AEBP2: variants seen among roughly 807,000 people sequenced by gnomAD.
The protein encoded by AEBP2 is AE binding protein 2.
In AEBP2, 10 loss-of-function variants were observed where a neutral mutation model predicts 50.8. The ratio of observed to expected loss-of-function variants is 0.20; its 90% CI spans 0.12 to 0.33. The LOEUF (loss-of-function observed/expected upper bound fraction) is 0.33. Ranked by LOEUF, AEBP2 falls within the 10% of genes least tolerant of loss-of-function variation. AEBP2 has a pLI of 1.00. For synonymous variants in AEBP2, 296 were observed against 261.3 expected (o/e 1.13, Z -1.28); for missense variants, 570 against 688.0 (o/e 0.83, Z 1.92).
intron 1 of AEBP2, chr12:19,456,738 A>G: frequency 6.3e-7 from 1 of 1,590,444 alleles, no homozygotes; most frequent in Non-Finnish European, 8.6e-7. Context: ...AGTTTCACTC[A>G]AAGCTTCATG....
intron 3 of AEBP2, among the ~76,000 whole-genome samples, chr12:19,491,539 A>G (rs775014990): frequency 1.3e-5 from 2 of 152,180 alleles, no homozygotes; most frequent in African/African-American, 2.4e-5. Flanking sequence ...CTGGACATAG[A>G]TAAGTATTTG....
chr12:19,518,520 A>T lies in AEBP2; in HGVS notation c.*403A>T. 7.9e-7 allele frequency: 1 copy of T among 1,263,360 alleles called. No homozygotes were observed. The highest frequency in any genetic ancestry group is 1.0e-6 in the Non-Finnish European group (1 of 999,438). The allele number at this position is 1,263,360 out of a possible 1,614,324, so 78.3% of individuals were successfully genotyped here. A position where few individuals can be genotyped will look rare whatever the true frequency, so the allele number is the denominator to read the frequency against. On this transcript the variant is annotated 3_prime_UTR_variant, in exon 8 of 8. Coordinates refer to ENST00000266508, the MANE Select transcript of AEBP2 (RefSeq NM_153207.5). Reference sequence around the variant, plus strand: ...ACAATTACAACATGTGCCCTTACAAATACCAAAAGCACTGTAAGGATATTT... The same window carrying T: ...ACAATTACAACATGTGCCCTTACAATTACCAAAAGCACTGTAAGGATATTT...
At chr12:19,468,948 G>A (rs1372562620) in intron 2 of AEBP2, among the ~76,000 whole-genome samples, 2 of 152,112 alleles carry the variant, frequency 1.3e-5, no homozygotes, top group African/African-American at 4.8e-5. Context: ...TTTTTGAGAT[G>A]GGGTCTCACT....
intron 3 of AEBP2, among the ~76,000 whole-genome samples, chr12:19,487,667 G>A (rs1948830799): frequency 1.3e-5 from 2 of 151,956 alleles, no homozygotes; most frequent in South Asian, 4.1e-4. Context: ...GCAGTGAACC[G>A]AGGTCACGCC....
chr12:19,515,489 A>G (rs1949304412), intron 7 of AEBP2, among the ~76,000 whole-genome samples: 1 of 152,222 alleles, frequency 6.6e-6, no homozygotes, highest in Admixed American at 6.5e-5. Flanking sequence ...GTTGAACTCC[A>G]TAGTGCCTGT....
At chr12:19,492,031 C>G (rs1165621451) in intron 3 of AEBP2, among the ~76,000 whole-genome samples, 3 of 152,066 alleles carry the variant, frequency 2.0e-5, no homozygotes, top group Non-Finnish European at 2.9e-5. Context: ...AGGAAAGAGC[C>G]TGAGGCATGT....
At chr12:19,504,038 G>A (rs1949120655) in intron 5 of AEBP2, among the ~76,000 whole-genome samples, 1 of 152,146 alleles carries the variant, frequency 6.6e-6, no homozygotes, top group African/African-American at 2.4e-5. Context: ...ATGTTGCCCA[G>A]GCTAACCTTG....
chr12:19,508,902 G>T, intron 5 of AEBP2: 1 of 304,168 alleles, frequency 3.3e-6, no homozygotes, highest in South Asian at 5.0e-5. Flanking sequence ...CAGGCACTCA[G>T]AATGGTCCAG....
intron 1 of AEBP2, chr12:19,456,358 C>G: frequency 9.4e-6 from 13 of 1,386,814 alleles, no homozygotes; most frequent in South Asian, 9.3e-5. Flanking sequence ...ATATCATGAA[C>G]AGCAGCGCGA....
At chr12:19,514,911 G>C (rs1447224997) in intron 7 of AEBP2, 127 bp downstream of exon 7, 1 of 659,620 alleles carries the variant, frequency 1.5e-6, no homozygotes, top group Non-Finnish European at 2.5e-6. Context: ...TTACTTCCTG[G>C]CTTTTTTTTT....
chr12:19,459,793 A>G (rs770712456), intron 1 of AEBP2, among the ~76,000 whole-genome samples: 2 of 152,212 alleles, frequency 1.3e-5, no homozygotes, highest in Non-Finnish European at 2.9e-5. Flanking sequence ...AGATGAGCTT[A>G]AATACTAGAA....
chr12:19,483,248 T>C (rs1193972991), intron 3 of AEBP2, among the ~76,000 whole-genome samples: 2 of 152,196 alleles, frequency 1.3e-5, no homozygotes, highest in African/African-American at 4.8e-5. Context: ...CTGGGAATGC[T>C]TACAAGGCAT....
At chr12:19,490,834 A>G (rs1948886296) in intron 3 of AEBP2, among the ~76,000 whole-genome samples, 2 of 152,184 alleles carry the variant, frequency 1.3e-5, no homozygotes, top group Admixed American at 6.5e-5. Flanking sequence ...ATACCACTTC[A>G]CACTCACTAG....
chr12:19,485,476 A>G (rs946586398), intron 3 of AEBP2, among the ~76,000 whole-genome samples: 8 of 151,980 alleles, frequency 5.3e-5, no homozygotes, highest in Non-Finnish European at 2.9e-5. Context: ...GGAGGCTGAC[A>G]CAAGCAGATT....
chr12:19,502,523 T>A (rs919652352), intron 5 of AEBP2, among the ~76,000 whole-genome samples: 1 of 152,204 alleles, frequency 6.6e-6, no homozygotes, highest in African/African-American at 2.4e-5. Flanking sequence ...TCCAGTGCCA[T>A]TTATTGAATT....
intron 3 of AEBP2, among the ~76,000 whole-genome samples, chr12:19,481,081 T>C (rs1332976772): frequency 3.4e-5 from 5 of 146,450 alleles, no homozygotes; most frequent in Non-Finnish European, 6.0e-5. Context: ...ATTGAAACTT[T>C]GCAGTGCATC....
intron 1 of AEBP2, among the ~76,000 whole-genome samples, chr12:19,458,947 G>A (rs555599145): frequency 6.6e-6 from 1 of 152,286 alleles, no homozygotes; most frequent in South Asian, 2.1e-4. Context: ...ACTTAGGTAT[G>A]CAAATTGGAT....
chr12:19,428,549 C>T (rs1438016896), intron 1 of AEBP2, among the ~76,000 whole-genome samples: 2 of 152,196 alleles, frequency 1.3e-5, no homozygotes, highest in Non-Finnish European at 2.9e-5. Flanking sequence ...CGGTGGCTCA[C>T]GCCTGTAATT....
At chr12:19,421,029 G>A (rs1331623758) in intron 1 of AEBP2, among the ~76,000 whole-genome samples, 1 of 152,184 alleles carries the variant, frequency 6.6e-6, no homozygotes. Flanking sequence ...ATTTGAGTAA[G>A]AGTGCTATTC....
Sources: gnomAD v4.1 joint callset for allele counts (sites outside exome capture counted in the v4.1 genomes callset) on GRCh38, gnomAD v4.1.1 for gene constraint, MANE v1.5 for transcripts, NCBI Gene and HGNC (gene_info 2026-07-23, HGNC 2026-07-21) for gene names.